PCLO: variants seen among roughly 807,000 people sequenced by gnomAD.
The protein encoded by PCLO is piccolo presynaptic cytomatrix protein, also known as protein piccolo.
PCLO carries 82 observed loss-of-function variants against 427.5 expected under a neutral mutation model. The ratio of observed to expected loss-of-function variants is 0.19; its 90% CI spans 0.16 to 0.23. The LOEUF is 0.23. Ranked by LOEUF, PCLO falls within the 10% of genes least tolerant of loss-of-function variation. The pLI is 1.00. For synonymous variants in PCLO, 2,357 were observed against 2,155.4 expected (o/e 1.09, Z -2.59); for missense variants, 6,239 against 6,115.9 (o/e 1.02, Z -0.67).
chr7:82,930,183 C>G (rs530399196), intron 6 of PCLO, among the ~76,000 whole-genome samples: 1 of 152,054 alleles, frequency 6.6e-6, no homozygotes, highest in East Asian at 1.9e-4. Flanking sequence ...ACAAGGGCTA[C>G]AGGGGAGGGA....
At chr7:83,116,540 T>C (rs1161336113) in intron 3 of PCLO, among the ~76,000 whole-genome samples, 1 of 152,214 alleles carries the variant, frequency 6.6e-6, no homozygotes, top group Non-Finnish European at 1.5e-5. Context: ...GTATTCACCA[T>C]GCACAACATG....
At chr7:83,130,161 T>C (rs758357513) in intron 3 of PCLO, among the ~76,000 whole-genome samples, 13 of 152,006 alleles carry the variant, frequency 8.6e-5, no homozygotes, top group East Asian at 1.9e-4. Context: ...GTTGTTGTTG[T>C]TATTATTTGA....
At chr7:83,020,306 ATGAAGCTTAACTAATGTATGG>A (rs1361343366) in intron 3 of PCLO, among the ~76,000 whole-genome samples, 1 of 152,130 alleles carries the variant, frequency 6.6e-6, no homozygotes, top group African/African-American at 2.4e-5. Context: ...CTGACACTTG[ATGAAGCTTAACTAATGTATGG>A]TGACTGCTAT....
intron 3 of PCLO, among the ~76,000 whole-genome samples, chr7:83,112,336 G>A (rs536013520): frequency 1.2e-4 from 19 of 152,282 alleles, no homozygotes; most frequent in African/African-American, 4.1e-4. Flanking sequence ...GATTACAGGC[G>A]TGAGCCACTG....
intron 3 of PCLO, among the ~76,000 whole-genome samples, chr7:83,030,668 C>T (rs1481627017): frequency 6.6e-6 from 1 of 152,036 alleles, no homozygotes; most frequent in Admixed American, 6.6e-5. Flanking sequence ...TGTTTTAAAT[C>T]AAAATTAGTG....
At chr7:82,813,120 T>C (rs1791607577) in intron 20 of PCLO, among the ~76,000 whole-genome samples, 1 of 151,724 alleles carries the variant, frequency 6.6e-6, no homozygotes. Context: ...TTTGCCCAAA[T>C]GAAAAAGGTT....
At chr7:83,031,409 A>G (rs1788662144) in intron 3 of PCLO, among the ~76,000 whole-genome samples, 1 of 152,182 alleles carries the variant, frequency 6.6e-6, no homozygotes, top group African/African-American at 2.4e-5. Flanking sequence ...AATATCTTGG[A>G]ATTTTTTATA....
At chr7:83,112,206 C>T (rs570895862) in intron 3 of PCLO, among the ~76,000 whole-genome samples, 166 of 152,078 alleles carry the variant, frequency 1.1e-3, no homozygotes, top group African/African-American at 3.6e-3. Flanking sequence ...TACAAGTGCC[C>T]GCCACCACAC....
rs917705764 is a variant in PCLO, at chr7:82,848,284, T to C, written c.13655-1037A>G. Among the ~76,000 whole-genome samples the C allele has an allele frequency of 7.2e-4, 108 of 150,808 alleles. No individual in the cohort carries two copies. In the Admixed American group the frequency reaches 7.2e-3, roughly 10 times the overall value. ...GAAAAATGTCTATATACCACAATTA[T>C]GTTGTTGAACCATTAGTTAGTTTTT... On this transcript the variant is annotated intron_variant, in intron 10 of 24. Coordinates refer to ENST00000333891, the MANE Select transcript of PCLO (RefSeq NM_033026.6).
chr7:83,081,765 T>C lies in PCLO; in HGVS notation c.3300+52485A>G, dbSNP rs565348106. 1.1e-3 allele frequency among the ~76,000 whole-genome samples: 173 copies of C among 151,922 alleles called. 1 individual carries two copies. The highest frequency in any genetic ancestry group is 4.0e-3 in the African/African-American group (167 of 41,556). On this transcript the variant is annotated intron_variant, in intron 3 of 24. Coordinates refer to ENST00000333891, the MANE Select transcript of PCLO (RefSeq NM_033026.6). ...ATTTTTTGTTTCATTTATTGCTTCCTAACACCTATGCTAATTATCACTAAT... is the reference window on the plus strand; with the variant it reads ...ATTTTTTGTTTCATTTATTGCTTCCCAACACCTATGCTAATTATCACTAAT...
At chr7:82,815,290 A>T (rs1168014001) in intron 20 of PCLO, among the ~76,000 whole-genome samples, 1 of 152,052 alleles carries the variant, frequency 6.6e-6, no homozygotes, top group South Asian at 2.1e-4. Flanking sequence ...ATTCTTCCAT[A>T]AAGAGGTTTT....
chr7:82,926,072 A>AG (rs1794705768), intron 6 of PCLO, among the ~76,000 whole-genome samples: 1 of 152,096 alleles, frequency 6.6e-6, no homozygotes, highest in Non-Finnish European at 1.5e-5. Context: ...CCTGTGAATA[A>AG]GGAAATTCTA....
intron 6 of PCLO, among the ~76,000 whole-genome samples, chr7:82,933,762 G>A (rs1436350911): frequency 6.6e-6 from 1 of 151,922 alleles, no homozygotes; most frequent in African/African-American, 2.4e-5. Flanking sequence ...GTCAAAATAA[G>A]GCCAAGGCCA....
At chr7:82,957,066 A>C in intron 4 of PCLO, 131 bp from the exon 5 acceptor site, 1 of 973,768 alleles carries the variant, frequency 1.0e-6, no homozygotes. Context: ...ATATCTCAGT[A>C]TTTTTTAAAA....
intron 22 of PCLO, among the ~76,000 whole-genome samples, chr7:82,771,646 C>G (rs1277865665): frequency 6.6e-6 from 1 of 152,036 alleles, no homozygotes; most frequent in Non-Finnish European, 1.5e-5. Flanking sequence ...TGACAAAGGT[C>G]ACACAACTGG....
chr7:82,933,337 G>A (rs1257160871), intron 6 of PCLO, among the ~76,000 whole-genome samples: 2 of 151,884 alleles, frequency 1.3e-5, no homozygotes, highest in African/African-American at 4.8e-5. Flanking sequence ...TATAACCTGA[G>A]GTTTTCCATT....
At chr7:83,086,733 C>T (rs12707549) in intron 3 of PCLO, among the ~76,000 whole-genome samples, 74,144 of 151,758 alleles carry the variant, frequency 0.49, 18,246 homozygotes, top group African/African-American at 0.51. Context: ...AAGAAATCAA[C>T]AGAGATACAT....
chr7:82,988,675 T>A (rs1583876046), intron 3 of PCLO, among the ~76,000 whole-genome samples: 1 of 152,252 alleles, frequency 6.6e-6, no homozygotes, highest in Admixed American at 6.5e-5. Context: ...ATGATACATG[T>A]AAGGTATTTC....
intron 3 of PCLO, among the ~76,000 whole-genome samples, chr7:83,003,221 ATAT>A (rs1334398071): frequency 6.6e-6 from 1 of 151,446 alleles, no homozygotes; most frequent in Non-Finnish European, 1.5e-5. Context: ...TCTCAAATAT[ATAT>A]TATTTTATGC....
Sources: gnomAD v4.1 joint callset for allele counts (sites outside exome capture counted in the v4.1 genomes callset) on GRCh38, gnomAD v4.1.1 for gene constraint, MANE v1.5 for transcripts, NCBI Gene and HGNC (gene_info 2026-07-23, HGNC 2026-07-21) for gene names.